PRELID2: variants seen among roughly 807,000 people sequenced by gnomAD.
PRELID2 encodes the protein PRELI domain containing 2, also known as PRELI domain-containing protein 2.
Under a neutral mutation model 28.4 loss-of-function variants are expected in PRELID2, and 25 were observed. That is an observed-to-expected ratio of 0.88 (90% CI 0.64 to 1.23). The LOEUF is 1.23. Ranked by LOEUF, PRELID2 falls within the 50% of genes most tolerant of loss-of-function variation. The probability of loss-of-function intolerance (pLI) is 0.00; values close to 1 mark genes in which losing one functional copy is unlikely to be tolerated. For synonymous variants in PRELID2, 76 were observed against 71.6 expected (o/e 1.06, Z -0.31); for missense variants, 201 against 214.4 (o/e 0.94, Z 0.39).
intron 1 of PRELID2, among the ~76,000 whole-genome samples, chr5:145,565,480 G>A (rs1036738936): frequency 6.6e-5 from 10 of 152,192 alleles, no homozygotes; most frequent in Non-Finnish European, 1.0e-4. Flanking sequence ...CTTGAGAAAA[G>A]GTGTATTTAA....
chr5:145,767,101 C>T (rs1757809810), intron 5 of PRELID2, among the ~76,000 whole-genome samples: 1 of 152,070 alleles, frequency 6.6e-6, no homozygotes, highest in African/African-American at 2.4e-5. Context: ...ATGAATGTTG[C>T]CTTTTCCAAA....
chr5:145,642,658 T>G (rs1334291436), intron 1 of PRELID2, among the ~76,000 whole-genome samples: 1 of 152,230 alleles, frequency 6.6e-6, no homozygotes, highest in Non-Finnish European at 1.5e-5. Flanking sequence ...GGTCTTACAT[T>G]TAAGTCTTTA....
chr5:145,582,058 T>C (rs1468865001), intron 1 of PRELID2, among the ~76,000 whole-genome samples: 5 of 152,048 alleles, frequency 3.3e-5, no homozygotes. Context: ...TGAGTGGTGC[T>C]ACAGATAACT....
At chr5:145,277,124 A>T in the PRELID2 span, among the ~76,000 whole-genome samples, 27 of 152,090 alleles carry the variant, frequency 1.8e-4, no homozygotes, top group African/African-American at 6.3e-4. Context: ...TACAGGACAC[A>T]TAGGTTTCTA....
chr5:145,468,287 G>A (rs1331956218), downstream of PRELID2, among the ~76,000 whole-genome samples: 22 of 151,256 alleles, frequency 1.5e-4, 1 homozygote, highest in Middle Eastern at 0.01. Context: ...TGGTATATAT[G>A]TGCCACATTT....
chr5:145,611,436 T>C (rs1242758239), intron 1 of PRELID2, among the ~76,000 whole-genome samples: 2 of 152,144 alleles, frequency 1.3e-5, no homozygotes, highest in Admixed American at 1.3e-4. Context: ...AGTCCTAGGA[T>C]TACAGGAATG....
chr5:145,490,169 T>C (rs1302195722), intron 1 of PRELID2, among the ~76,000 whole-genome samples: 1 of 152,228 alleles, frequency 6.6e-6, no homozygotes, highest in Non-Finnish European at 1.5e-5. Flanking sequence ...AGCTTGTTAA[T>C]ATTCATTTAA....
At chr5:145,651,068 G>A (rs1366509382) in intron 1 of PRELID2, among the ~76,000 whole-genome samples, 1 of 152,184 alleles carries the variant, frequency 6.6e-6, no homozygotes, top group Non-Finnish European at 1.5e-5. Context: ...CTAATACTGT[G>A]CTTTTCCAAT....
the PRELID2 span, among the ~76,000 whole-genome samples, chr5:145,385,618 A>C: frequency 6.6e-6 from 1 of 152,210 alleles, no homozygotes; most frequent in African/African-American, 2.4e-5. Flanking sequence ...ACATGGTAGT[A>C]AATAATGTAG....
the PRELID2 span, among the ~76,000 whole-genome samples, chr5:145,422,598 C>T: frequency 6.6e-6 from 1 of 152,060 alleles, no homozygotes; most frequent in Non-Finnish European, 1.5e-5. Flanking sequence ...GTAGATCTTC[C>T]TCCATCCTTT....
the PRELID2 span, among the ~76,000 whole-genome samples, chr5:145,429,512 G>A: frequency 1.3e-5 from 2 of 152,102 alleles, no homozygotes; most frequent in Non-Finnish European, 2.9e-5. Flanking sequence ...GTAGGCAGTT[G>A]GTTTTATGGA....
At chr5:145,436,456 T>C in the PRELID2 span, among the ~76,000 whole-genome samples, 4 of 152,106 alleles carry the variant, frequency 2.6e-5, no homozygotes, top group African/African-American at 9.7e-5. Context: ...GCCCCCAAAA[T>C]GGGATTGCTG....
intron 1 of PRELID2, among the ~76,000 whole-genome samples, chr5:145,724,636 T>A (rs186507138): frequency 0.06 from 6,469 of 107,472 alleles, 867 homozygotes; most frequent in African/African-American, 0.13. Context: ...TATATATATA[T>A]ATATATATAT....
the PRELID2 span, among the ~76,000 whole-genome samples, chr5:145,418,673 G>A: frequency 6.6e-6 from 1 of 152,100 alleles, no homozygotes; most frequent in African/African-American, 2.4e-5. Flanking sequence ...GGTGCTGGGA[G>A]AACTGGTTAG....
At chr5:145,490,167 A>C (rs1752256759) in intron 1 of PRELID2, among the ~76,000 whole-genome samples, 1 of 152,230 alleles carries the variant, frequency 6.6e-6, no homozygotes, top group Non-Finnish European at 1.5e-5. Flanking sequence ...TCAGCTTGTT[A>C]ATATTCATTT....
At chr5:145,556,825 A>C (rs1007850265) in intron 1 of PRELID2, among the ~76,000 whole-genome samples, 3 of 152,180 alleles carry the variant, frequency 2.0e-5, no homozygotes, top group African/African-American at 7.2e-5. Flanking sequence ...CTATGAATGC[A>C]CTTCCTCAGT....
the PRELID2 span, among the ~76,000 whole-genome samples, chr5:145,460,009 C>T: frequency 6.6e-6 from 1 of 152,018 alleles, no homozygotes; most frequent in Non-Finnish European, 1.5e-5. Flanking sequence ...CTGGGTTTCA[C>T]CATATTGGCC....
the PRELID2 span, among the ~76,000 whole-genome samples, chr5:145,395,342 A>G: frequency 6.6e-6 from 1 of 152,150 alleles, no homozygotes; most frequent in African/African-American, 2.4e-5. Flanking sequence ...TTGACACTAA[A>G]AAGACTGGGA....
downstream of PRELID2, among the ~76,000 whole-genome samples, chr5:145,468,073 A>C (rs1752019137): frequency 2.6e-5 from 4 of 151,876 alleles, no homozygotes; most frequent in Admixed American, 1.3e-4. Context: ...CCGCTCTCCC[A>C]ACCCCACAAC....
Sources: gnomAD v4.1 joint callset for allele counts (sites outside exome capture counted in the v4.1 genomes callset) on GRCh38, gnomAD v4.1.1 for gene constraint, MANE v1.5 for transcripts, NCBI Gene and HGNC (gene_info 2026-07-23, HGNC 2026-07-21) for gene names.